BUB1B: variants seen among roughly 807,000 people sequenced by gnomAD.
BUB1B encodes BUB1 mitotic checkpoint serine/threonine kinase B.
Under a neutral mutation model 137.7 loss-of-function variants are expected in BUB1B, and 86 were observed. The ratio of observed to expected loss-of-function variants is 0.62; its 90% CI spans 0.52 to 0.75. The LOEUF is 0.75. Among genes scored for constraint, BUB1B ranks in the 30% least tolerant of loss-of-function variants. BUB1B has a pLI of 0.00. For synonymous variants in BUB1B, 420 were observed against 417.9 expected, an observed-to-expected ratio of 1.00 and a Z score of -0.06; for missense variants, 1,130 against 1,236.9, an observed-to-expected ratio of 0.91 and a Z score of 1.30.
intron 4 of BUB1B, among the ~76,000 whole-genome samples, chr15:40,173,691 T>G (rs956745628): frequency 2.0e-5 from 3 of 152,208 alleles, no homozygotes; most frequent in Non-Finnish European, 4.4e-5. Flanking sequence ...AACTGGCCCC[T>G]TCGCCACAGA....
intron 20 of BUB1B, among the ~76,000 whole-genome samples, chr15:40,216,569 ATATTT>A (rs1335026208): frequency 9.4e-4 from 53 of 56,304 alleles, no homozygotes; most frequent in South Asian, 1.3e-3. Context: ...ATATATATAT[ATATTT>A]TTTTTTTTTT....
intron 20 of BUB1B, among the ~76,000 whole-genome samples, chr15:40,213,746 C>T (rs976112559): frequency 3.9e-5 from 6 of 152,170 alleles, no homozygotes; most frequent in Non-Finnish European, 7.3e-5. Flanking sequence ...CCATGTTGCC[C>T]AGGCTGGTCT....
At chr15:40,168,970 C>T (rs967484412) in intron 2 of BUB1B, among the ~76,000 whole-genome samples, 3 of 152,054 alleles carry the variant, frequency 2.0e-5, no homozygotes, top group Non-Finnish European at 2.9e-5. Context: ...ATTTAGTATC[C>T]TGCTTTGTAT....
chr15:40,183,976 C>A, intron 6 of BUB1B, 93 bp downstream of exon 6: 2 of 1,360,160 alleles, frequency 1.5e-6, no homozygotes, highest in Non-Finnish European at 2.1e-6. Context: ...GTGGACACTT[C>A]TAGTTTGCTG....
chr15:40,216,569 ATATTTT>A (rs1301909937), intron 20 of BUB1B, among the ~76,000 whole-genome samples: 742 of 56,266 alleles, frequency 0.013, 5 homozygotes, highest in Non-Finnish European at 0.015. Flanking sequence ...ATATATATAT[ATATTTT>A]TTTTTTTTTT....
At chr15:40,169,317 ATGTG>A (rs2037134891) in intron 2 of BUB1B, among the ~76,000 whole-genome samples, 1 of 152,080 alleles carries the variant, frequency 6.6e-6, no homozygotes. Flanking sequence ...ATATTTGTTC[ATGTG>A]TGTAAACCCT....
At chr15:40,213,695 C>T (rs757497491) in intron 20 of BUB1B, among the ~76,000 whole-genome samples, 2 of 152,120 alleles carry the variant, frequency 1.3e-5, no homozygotes, top group Non-Finnish European at 1.5e-5. Flanking sequence ...ACCACCACAC[C>T]TGGCTAATTT....
chr15:40,161,381 T>C (rs2037041316), intron 1 of BUB1B, 126 bp downstream of exon 1: 4 of 1,132,720 alleles, frequency 3.5e-6, no homozygotes, highest in South Asian at 4.6e-5. Context: ...CACCGGAGCC[T>C]CCTTCCTTTT....
intron 15 of BUB1B, among the ~76,000 whole-genome samples, chr15:40,206,998 C>T (rs766227285): frequency 5.9e-5 from 9 of 152,002 alleles, no homozygotes; most frequent in African/African-American, 2.2e-4. Flanking sequence ...TTAGTAGAGA[C>T]GGGGTTTCGC....
chr15:40,170,735 C>G (rs2037152685), intron 4 of BUB1B, 54 bp downstream of exon 4: 1 of 1,578,892 alleles, frequency 6.3e-7, no homozygotes, highest in Admixed American at 1.7e-5. Context: ...AAGAGATTTT[C>G]TCTAGAGGTA....
intron 5 of BUB1B, among the ~76,000 whole-genome samples, chr15:40,179,967 C>CATATATATATATATATATATAT (rs34339420): frequency 1.4e-5 from 2 of 143,602 alleles, no homozygotes; most frequent in African/African-American, 5.3e-5. Context: ...TTTCAAAAGC[C>CATATATATATATATATATATAT]ATATATATAT....
intron 2 of BUB1B, chr15:40,166,468 T>G (rs1369910276): frequency 3.0e-6 from 1 of 336,952 alleles, no homozygotes; most frequent in East Asian, 1.2e-4. Flanking sequence ...GCCTCCTGAG[T>G]AGCTGGGACT....
At chr15:40,183,676 G>T in intron 5 of BUB1B, 38 bp from the exon 6 acceptor site, 1 of 1,603,598 alleles carries the variant, frequency 6.2e-7, no homozygotes, top group South Asian at 1.1e-5. Flanking sequence ...GTAAAATAGT[G>T]GTCACCTCAC....
intron 16 of BUB1B, 38 bp downstream of exon 16, chr15:40,208,808 C>CA (rs1480887429): frequency 6.3e-7 from 1 of 1,578,078 alleles, no homozygotes; most frequent in Admixed American, 1.7e-5. Flanking sequence ...GCCTAGTGAA[C>CA]ACTTGTTTAT....
chr15:40,201,099 G>A lies in BUB1B; in HGVS notation c.1567+119G>A, dbSNP rs2037563512. On this transcript the variant is annotated intron_variant, in intron 12 of 22. Coordinates refer to ENST00000287598, the MANE Select transcript of BUB1B (RefSeq NM_001211.6). ...GAAAGACAGGGGGACTAGGATACTA[G>A]GAATTTAGTATAAGCATATGCTTTA... 4.4e-6 allele frequency: 4 copies of A among 908,108 alleles called. No homozygotes were observed. The South Asian group carries it at 4.6e-5, about 10-fold the overall frequency. The allele number at this position is 908,108 out of a possible 1,614,324, so 56.3% of individuals were successfully genotyped here.
chr15:40,181,188 T>A lies in BUB1B; in HGVS notation c.582-2526T>A, dbSNP rs139133835. On this transcript the variant is annotated intron_variant, in intron 5 of 22. Coordinates refer to ENST00000287598, the MANE Select transcript of BUB1B (RefSeq NM_001211.6). ...CTCACAGCAACCTCCACCTCCCGGG[T>A]TCAAGTGATCCTCCTGCCTCAGCCT... is the stretch of plus-strand genomic sequence containing the variant. Among the ~76,000 whole-genome samples the A allele has an allele frequency of 3.5e-3, 525 of 151,126 alleles. 2 individuals are homozygous for A. The highest frequency in any genetic ancestry group is 0.012 in the African/African-American group (501 of 41,160).
intron 15 of BUB1B, 93 bp downstream of exon 15, chr15:40,206,551 T>TA: frequency 6.6e-7 from 1 of 1,511,928 alleles, no homozygotes; most frequent in Middle Eastern, 2.2e-4. Context: ...ATCAAGTTCT[T>TA]ACTAACTGCC....
chr15:40,210,308 T>G, intron 18 of BUB1B, 98 bp downstream of exon 18: 5 of 922,106 alleles, frequency 5.4e-6, no homozygotes, highest in Non-Finnish European at 8.7e-6. Context: ...TAATAATCTC[T>G]TTCAATATGT....
intron 20 of BUB1B, among the ~76,000 whole-genome samples, chr15:40,214,838 C>G (rs1449409056): frequency 1.4e-5 from 2 of 139,818 alleles, no homozygotes; most frequent in Non-Finnish European, 3.1e-5. Context: ...CCTATTCCCC[C>G]CCACCCACCC....
Sources: allele counts gnomAD v4.1 joint callset (sites outside exome capture counted in the v4.1 genomes callset), GRCh38; gene constraint gnomAD v4.1.1; transcripts MANE v1.5; gene names NCBI Gene and HGNC (gene_info 2026-07-23, HGNC 2026-07-21).